DOP1B: variants seen among roughly 807,000 people sequenced by gnomAD.
The protein encoded by DOP1B is protein DOP1B.
Under a neutral mutation model 233.5 loss-of-function variants are expected in DOP1B, and 174 were observed. That is an observed-to-expected ratio of 0.75 (90% CI 0.66 to 0.85). DOP1B has a LOEUF of 0.85. DOP1B is among the 40% of genes least tolerant of loss of function. DOP1B has a pLI of 0.00. For synonymous variants in DOP1B, 1,190 were observed against 1,185.6 expected (o/e 1.00, Z -0.08); for missense variants, 2,652 against 2,846.6 (o/e 0.93, Z 1.56).
intron 5 of DOP1B, among the ~76,000 whole-genome samples, chr21:36,209,676 A>G (rs2066470607): frequency 6.6e-6 from 1 of 151,810 alleles, no homozygotes; most frequent in East Asian, 2.0e-4. Context: ...CCAGGTATCC[A>G]TCTCCAGGCC....
chr21:36,283,934 TC>T (rs2067448722), intron 32 of DOP1B, among the ~76,000 whole-genome samples: 1 of 146,432 alleles, frequency 6.8e-6, no homozygotes, highest in Non-Finnish European at 1.5e-5. Flanking sequence ...AGACACCTGT[TC>T]CTTTTTTTTT....
chr21:36,205,563 T>C (rs959118733), intron 4 of DOP1B, among the ~76,000 whole-genome samples: 2 of 151,894 alleles, frequency 1.3e-5, no homozygotes, highest in African/African-American at 4.8e-5. Flanking sequence ...TAATTTTGTA[T>C]TTTTAGTAGA....
At chr21:36,191,647 A>G (rs1434948759) in intron 2 of DOP1B, among the ~76,000 whole-genome samples, 1 of 152,126 alleles carries the variant, frequency 6.6e-6, no homozygotes, top group Non-Finnish European at 1.5e-5. Context: ...TTAGCCGGGC[A>G]TGGTGGCACG....
Position 36,230,461 on chromosome 21 carries a change from A to C in DOP1B, c.1677A>C (p.Lys559Asn). 6.2e-7 allele frequency: 1 copy of C among 1,607,788 alleles called. No homozygotes were observed. The highest frequency in any genetic ancestry group is 8.5e-7 in the Non-Finnish European group (1 of 1,174,770). Residue 559 changes from lysine to asparagine, a missense_variant, in exon 14 of 37, where the codon AAA becomes AAC. By Grantham distance (94) the Lys-to-Asn change is moderately conservative. This residue lies in a region of DOP1B where 2,617 missense variants were observed against 2,794.3 expected (regional missense o/e 0.94). Coordinates refer to ENST00000691173, the MANE Select transcript of DOP1B (RefSeq NM_001320714.2). ...TTTATTTTTTACAGAGTCCAGTAAA[A>C]GGTGAAAACGGCAAAATAATTTTGG... The part of the protein sequence containing the change: ...ESTSGTSSPV[K>N]GENGKIILET...
chr21:36,174,183 C>G (rs2066000470), intron 2 of DOP1B, among the ~76,000 whole-genome samples: 1 of 152,168 alleles, frequency 6.6e-6, no homozygotes, highest in African/African-American at 2.4e-5. Flanking sequence ...TGCAAGAACT[C>G]TTTACCTAAA....
chr21:36,288,671 A>G (rs2067517025), intron 33 of DOP1B, 85 bp from the exon 34 acceptor site: 1 of 1,014,364 alleles, frequency 9.9e-7, no homozygotes, highest in African/African-American at 1.6e-5. Flanking sequence ...TCATAAATTA[A>G]TCGATTTTTA....
intron 2 of DOP1B, among the ~76,000 whole-genome samples, chr21:36,176,074 G>A (rs1359214755): frequency 7.0e-6 from 1 of 143,270 alleles, no homozygotes. Flanking sequence ...CCAGTGAGGA[G>A]CTTCGACTTT....
rs927523811 is a variant in DOP1B, at chr21:36,163,685, A to T, written c.-26-1023A>T. Among the ~76,000 whole-genome samples the T allele has an allele frequency of 2.0e-5, 3 of 152,202 alleles. No homozygotes were observed. The East Asian group carries it at 5.8e-4, about 29-fold the overall frequency. Reference sequence around the variant, plus strand: ...AAATACTATTTGTCCTCATATATCAATTAGGATTGTGGTTGGCTATAACAG... The same window carrying T: ...AAATACTATTTGTCCTCATATATCATTTAGGATTGTGGTTGGCTATAACAG... On this transcript the variant is annotated intron_variant, in intron 1 of 36. Transcript: ENST00000691173.
At chr21:36,270,492 G>A (rs898323684) in intron 27 of DOP1B, among the ~76,000 whole-genome samples, 10 of 137,492 alleles carry the variant, frequency 7.3e-5, no homozygotes, top group Non-Finnish European at 1.5e-4. Flanking sequence ...GGCGGAGGTT[G>A]CAGTGAGCCG....
intron 11 of DOP1B, among the ~76,000 whole-genome samples, chr21:36,223,728 G>A (rs2066651659): frequency 6.6e-6 from 1 of 152,040 alleles, no homozygotes; most frequent in South Asian, 2.1e-4. Context: ...TGAAACTCTT[G>A]CTGAAATGAA....
rs748470118 is a variant in DOP1B at position 36,288,759 on chromosome 21, C to G, written c.6301C>G (p.Gln2101Glu). 6.2e-7 allele frequency: 1 copy of G among 1,606,234 alleles called. No homozygotes were observed. Among genetic ancestry groups the G allele is most frequent in the Non-Finnish European group, 8.5e-7 (1 of 1,176,110 alleles). ...CTTGAATGCATTTTTTTTTCAGATT[C>G]AGACATTCACACAGCTTGAAGAAGA... is the stretch of plus-strand genomic sequence containing the variant. Reference protein sequence around the residue: ...LWPIMVSELIQTFTQLEEDLK... With the variant: ...LWPIMVSELIETFTQLEEDLK... Residue 2101 changes from glutamine (Q) to glutamate (E), a missense_variant, in exon 34 of 37, where the codon CAG (glutamine) becomes GAG (glutamate). Physicochemically the swap from Gln to Glu is conservative, Grantham distance 29 (BLOSUM62 2). Around this residue, in one of 3 missense-constraint regions of DOP1B, gnomAD observed 2,617 missense variants for 2,794.3 expected, o/e 0.94. Transcript: ENST00000691173.
intron 5 of DOP1B, 135 bp from the exon 6 acceptor site, chr21:36,211,418 C>G (rs541406907): frequency 9.5e-5 from 72 of 759,872 alleles, no homozygotes; most frequent in Non-Finnish European, 1.5e-4. Flanking sequence ...AACCCACACC[C>G]TCCTGACCTG....
chr21:36,286,087 G>A (rs1056637620), intron 32 of DOP1B, among the ~76,000 whole-genome samples: 1 of 151,964 alleles, frequency 6.6e-6, no homozygotes, highest in South Asian at 2.1e-4. Flanking sequence ...CCTTTTCCCC[G>A]GACACTGTTG....
intron 2 of DOP1B, among the ~76,000 whole-genome samples, chr21:36,184,435 C>T (rs1196992410): frequency 2.6e-5 from 4 of 152,198 alleles, no homozygotes; most frequent in Non-Finnish European, 4.4e-5. Flanking sequence ...CCACCCACCT[C>T]GGCCTCCCAG....
intron 26 of DOP1B, among the ~76,000 whole-genome samples, chr21:36,269,651 C>A (rs2067264782): frequency 6.6e-6 from 1 of 151,960 alleles, no homozygotes; most frequent in South Asian, 2.1e-4. Flanking sequence ...CTCCCGAGTA[C>A]TGGGACTACA....
rs1019232115 is a variant in DOP1B, at chr21:36,269,917, G to A, written c.5488-96G>A. On this transcript the variant is annotated intron_variant, in intron 26 of 36. Transcript: ENST00000691173. ...TGGTACGTATATGCTCACAGCTGTG[G>A]CCTGCATTTTATTTCTACTGGACAG... The A allele has an allele frequency of 1.5e-5, 19 of 1,281,378 alleles. No individual in the cohort carries two copies. The African/African-American group carries it at 2.5e-4, about 17-fold the overall frequency. The allele number at this position is 1,281,378 out of a possible 1,614,324, so 79.4% of individuals were successfully genotyped here. A position where few individuals can be genotyped will look rare whatever the true frequency, so the allele number is the denominator to read the frequency against.
intron 26 of DOP1B, among the ~76,000 whole-genome samples, chr21:36,265,573 G>A (rs113577134): frequency 6.6e-6 from 1 of 152,106 alleles, no homozygotes; most frequent in African/African-American, 2.4e-5. Flanking sequence ...GTGGCCTGTT[G>A]CCTGTAGCAG....
intron 13 of DOP1B, among the ~76,000 whole-genome samples, chr21:36,229,214 C>T (rs1171223181): frequency 6.6e-6 from 1 of 152,178 alleles, no homozygotes; most frequent in African/African-American, 2.4e-5. Context: ...TAAAGTACCA[C>T]AGACTGGGTG....
chr21:36,223,419 T>A, intron 11 of DOP1B, 69 bp downstream of exon 11: 1 of 1,558,972 alleles, frequency 6.4e-7, no homozygotes, highest in Non-Finnish European at 8.6e-7. Context: ...TTGTAGCTGC[T>A]TAGAATATCA....
Sources: gnomAD v4.1 joint callset for allele counts (sites outside exome capture counted in the v4.1 genomes callset) on GRCh38, gnomAD v4.1.1 for gene constraint, gnomAD v4.1.1 regional missense constraint, MANE v1.5 for transcripts, NCBI Gene and HGNC (gene_info 2026-07-23, HGNC 2026-07-21) for gene names.